The following AUTS2 variants were observed in gnomAD, a reference collection of about 807,000 sequenced individuals.
AUTS2 encodes autism susceptibility gene 2 protein.
Under a neutral mutation model 112.4 loss-of-function variants are expected in AUTS2, and 17 were observed. The ratio of observed to expected loss-of-function variants is 0.15; its 90% CI spans 0.10 to 0.23. The LOEUF is 0.23. AUTS2 is among the 10% of genes least tolerant of loss of function. The pLI is 1.00. For missense variants in AUTS2, 1,510 were observed against 1,701.6 expected (o/e 0.89, Z 1.98); for synonymous variants, 751 against 702.7 (o/e 1.07, Z -1.09).
At chr7:70,067,099 T>C (rs1352156852) in intron 2 of AUTS2, among the ~76,000 whole-genome samples, 1 of 152,180 alleles carries the variant, frequency 6.6e-6, no homozygotes, top group Non-Finnish European at 1.5e-5. Flanking sequence ...AAGTTCTTAG[T>C]GGGGAAAAAG....
chr7:70,636,364 G>C (rs1805533162), intron 5 of AUTS2, among the ~76,000 whole-genome samples: 1 of 152,154 alleles, frequency 6.6e-6, no homozygotes, highest in Admixed American at 6.5e-5. Flanking sequence ...ATGTTGGTGT[G>C]CTTTCAGAAC....
At position 70,633,949 on chromosome 7, in the gene AUTS2, T is replaced by A. The variant is rs904958687; in HGVS notation, c.691-64620T>A. Among the ~76,000 whole-genome samples, 3 of 152,216 alleles carry A rather than the reference T, an allele frequency of 2.0e-5. No homozygotes were observed. The East Asian group carries it at 5.8e-4, about 29-fold the overall frequency. Reference sequence around the variant, plus strand: ...TGTCAGGATTATTCTAGGTACTAGATCCATATCATCAGCATTGATTCTGGG... The same window carrying A: ...TGTCAGGATTATTCTAGGTACTAGAACCATATCATCAGCATTGATTCTGGG... On this transcript the variant is annotated intron_variant, in intron 5 of 18. Coordinates refer to ENST00000342771, the MANE Select transcript of AUTS2 (RefSeq NM_015570.4).
intron 2 of AUTS2, among the ~76,000 whole-genome samples, chr7:70,087,649 G>T (rs891991322): frequency 2.6e-5 from 4 of 152,056 alleles, no homozygotes; most frequent in Admixed American, 2.6e-4. Context: ...GCTTACAGGT[G>T]TGAGTCCCTG....
Position 70,612,949 on chromosome 7 carries a change from T to C in AUTS2, c.691-85620T>C, listed in dbSNP as rs527793592. On this transcript the variant is annotated intron_variant, in intron 5 of 18. Transcript: ENST00000342771. Reference sequence around the variant, plus strand: ...GTCCAGGGTGGGGTGCATGCCTCTTTAAGAGATTTATGTGGAGGTCTGAGC... The same window carrying C: ...GTCCAGGGTGGGGTGCATGCCTCTTCAAGAGATTTATGTGGAGGTCTGAGC... Among the ~76,000 whole-genome samples the C allele has an allele frequency of 2.6e-5, 4 of 152,090 alleles. No individual in the cohort carries two copies. In the South Asian group the frequency reaches 8.4e-4, roughly 32 times the overall value.
intron 5 of AUTS2, among the ~76,000 whole-genome samples, chr7:70,525,094 A>C (rs2129495823): frequency 6.6e-6 from 1 of 152,212 alleles, no homozygotes; most frequent in African/African-American, 2.4e-5. Context: ...CCCATTCTTC[A>C]AGGAATTCCT....
intron 2 of AUTS2, among the ~76,000 whole-genome samples, chr7:70,068,729 G>T (rs544163161): frequency 6.6e-6 from 1 of 152,200 alleles, no homozygotes; most frequent in Non-Finnish European, 1.5e-5. Flanking sequence ...GATTAATGTA[G>T]CCACTTCAAC....
chr7:70,262,367 T>G (rs1465079035), intron 4 of AUTS2, among the ~76,000 whole-genome samples: 1 of 152,116 alleles, frequency 6.6e-6, no homozygotes, highest in Non-Finnish European at 1.5e-5. Flanking sequence ...TTTTTGTATT[T>G]TTACTAGAGA....
chr7:70,241,321 T>C (rs890335259), intron 4 of AUTS2, among the ~76,000 whole-genome samples: 4 of 152,218 alleles, frequency 2.6e-5, no homozygotes, highest in African/African-American at 9.6e-5. Context: ...GGAAATTCAT[T>C]GCCTTAACAT....
Position 70,107,335 on chromosome 7 carries a change from CTTTTTTTTTTTTT to C in AUTS2, c.523-10786_523-10774del, listed in dbSNP as rs35066322. ...TTACTGGCCAATCCCAGATGAGAAG[CTTTTTTTTTTTTT>C]TTTTTTTTTTCTTTGAGACTGAGTC... is the stretch of plus-strand genomic sequence containing the variant. On this transcript the variant is annotated intron_variant, in intron 2 of 18. Transcript: ENST00000342771. Among the ~76,000 whole-genome samples, 4 of 96,936 alleles carry C rather than the reference CTTTTTTTTTTTTT, an allele frequency of 4.1e-5. 1 individual carries two copies. Among genetic ancestry groups the C allele is most frequent in the African/African-American group, 8.1e-5 (2 of 24,750 alleles). 63.6% of individuals were successfully genotyped at this position (96,936 alleles called of 152,430 possible).
rs75610547 is a variant in AUTS2 at position 70,227,501 on chromosome 7, G to A, written c.660+92930G>A. 4.6e-3 allele frequency among the ~76,000 whole-genome samples: 702 copies of A among 152,170 alleles called. 4 individuals are homozygous for A. The highest frequency in any genetic ancestry group is 7.9e-3 in the Non-Finnish European group (534 of 67,966). ...TTTGCATCATTCCAGAAAGGTTCAT[G>A]AGCAGTCTCTCTTCTTCTCCATTCT... On this transcript the variant is annotated intron_variant, in intron 4 of 18. Transcript: ENST00000342771.
chr7:70,402,743 A>G (rs1349582066), intron 4 of AUTS2, among the ~76,000 whole-genome samples: 1 of 152,164 alleles, frequency 6.6e-6, no homozygotes, highest in Non-Finnish European at 1.5e-5. Context: ...CTCCAATTGT[A>G]AAGGGCAGAA....
At chr7:70,174,902 G>T (rs1330338454) in intron 4 of AUTS2, among the ~76,000 whole-genome samples, 1 of 152,042 alleles carries the variant, frequency 6.6e-6, no homozygotes, top group African/African-American at 2.4e-5. Flanking sequence ...TTTCATGCCT[G>T]GTGACAGAAC....
At chr7:70,637,887 CCAAGTGCAATTT>C in intron 5 of AUTS2, among the ~76,000 whole-genome samples, 1 of 152,294 alleles carries the variant, frequency 6.6e-6, no homozygotes, top group East Asian at 1.9e-4. Flanking sequence ...CTGAGTGCTT[CCAAGTGCAATTT>C]CCCTCCCCTC....
intron 4 of AUTS2, among the ~76,000 whole-genome samples, chr7:70,215,704 A>G (rs1196395875): frequency 6.6e-6 from 1 of 152,160 alleles, no homozygotes; most frequent in Non-Finnish European, 1.5e-5. Context: ...ATCAAGGATG[A>G]TGTAACTTTT....
intron 5 of AUTS2, among the ~76,000 whole-genome samples, chr7:70,692,667 G>C (rs1808813874): frequency 6.6e-6 from 1 of 152,084 alleles, no homozygotes; most frequent in African/African-American, 2.4e-5. Flanking sequence ...TACCAGTTTG[G>C]GGGAGGGGGT....
intron 4 of AUTS2, among the ~76,000 whole-genome samples, chr7:70,297,516 G>A (rs1201251447): frequency 6.7e-6 from 1 of 150,326 alleles, no homozygotes; most frequent in Non-Finnish European, 1.5e-5. Flanking sequence ...TGCAAGCTCT[G>A]CCTCCCGGGT....
intron 5 of AUTS2, among the ~76,000 whole-genome samples, chr7:70,524,505 T>C (rs1799764496): frequency 6.6e-6 from 1 of 152,186 alleles, no homozygotes; most frequent in African/African-American, 2.4e-5. Flanking sequence ...GAGCTCTCAG[T>C]TGCATTAAGC....
chr7:70,232,281 T>A (rs1397205419), intron 4 of AUTS2, among the ~76,000 whole-genome samples: 1 of 152,218 alleles, frequency 6.6e-6, no homozygotes, highest in Non-Finnish European at 1.5e-5. Flanking sequence ...TTGGGTTATT[T>A]CCAGTTTGTG....
At chr7:69,782,425 G>A (rs1027098949) in intron 1 of AUTS2, among the ~76,000 whole-genome samples, 1 of 151,082 alleles carries the variant, frequency 6.6e-6, no homozygotes, top group Non-Finnish European at 1.5e-5. Context: ...GACTTCCAAG[G>A]TCTCATCCAG....
Sources: allele counts gnomAD v4.1 joint callset (sites outside exome capture counted in the v4.1 genomes callset), GRCh38; gene constraint gnomAD v4.1.1; transcripts MANE v1.5; gene names NCBI Gene and HGNC (gene_info 2026-07-23, HGNC 2026-07-21).